The following SIN3A variants were observed in gnomAD, a reference collection of about 807,000 sequenced individuals.
SIN3A encodes the protein paired amphipathic helix protein Sin3a.
SIN3A carries 14 observed loss-of-function variants against 146.1 expected under a neutral mutation model. The observed-to-expected ratio is 0.10, with a 90% CI of 0.06 to 0.15. The LOEUF (loss-of-function observed/expected upper bound fraction) is 0.15, where lower values mean the gene tolerates loss of function less well. Ranked by LOEUF, SIN3A falls within the 10% of genes least tolerant of loss-of-function variation. The pLI is 1.00. For synonymous variants in SIN3A, 572 were observed against 572.0 expected (o/e 1.00, Z 0.00); for missense variants, 1,028 against 1,576.0 (o/e 0.65, Z 5.89).
At chr15:75,416,058 C>T in intron 3 of SIN3A, 1 of 273,788 alleles carries the variant, frequency 3.7e-6, no homozygotes, top group South Asian at 4.7e-5. Context: ...CTTCTGGTGA[C>T]TGTAAAGTTT....
At chr15:75,381,740 C>T (rs1230823262) in intron 17 of SIN3A, 35 bp from the exon 18 acceptor site, 5 of 1,509,288 alleles carry the variant, frequency 3.3e-6, no homozygotes, top group South Asian at 1.1e-5. Flanking sequence ...AACAAAAGAC[C>T]GTCTCTGTAG....
intron 3 of SIN3A, chr15:75,419,543 G>A (rs1304793401): frequency 6.6e-6 from 1 of 152,120 alleles, no homozygotes; most frequent in Non-Finnish European, 1.5e-5. Flanking sequence ...TTATAGGCCA[G>A]GTGTGGTGGC....
At chr15:75,397,389 A>G (rs1289632677) in intron 12 of SIN3A, among the ~76,000 whole-genome samples, 1 of 152,128 alleles carries the variant, frequency 6.6e-6, no homozygotes, top group Non-Finnish European at 1.5e-5. Context: ...TTGACCAATG[A>G]GTTGTTATGA....
intron 2 of SIN3A, among the ~76,000 whole-genome samples, chr15:75,425,168 T>G (rs2141550978): frequency 6.6e-6 from 1 of 152,342 alleles, no homozygotes; most frequent in East Asian, 1.9e-4. Context: ...AAGATGACTC[T>G]TACTTTGTTT....
intron 9 of SIN3A, among the ~76,000 whole-genome samples, chr15:75,405,717 C>T (rs941814611): frequency 1.2e-4 from 19 of 152,032 alleles, no homozygotes; most frequent in African/African-American, 4.6e-4. Flanking sequence ...CGCCATTGCA[C>T]TCCAAGCTGG....
chr15:75,439,586 C>G lies in SIN3A; in HGVS notation c.-33-9178G>C, dbSNP rs1372065099. Among the ~76,000 whole-genome samples the G allele has an allele frequency of 2.0e-5, 3 of 151,872 alleles. No individual in the cohort carries two copies. The East Asian group carries it at 5.9e-4, about 30-fold the overall frequency. ...GGTCTCGATCTCCTGACCTCGTGAT[C>G]CGCCCACCTCAGCCTCCCAAAGTGC... On this transcript the variant is annotated intron_variant, in intron 1 of 20. Transcript: ENST00000394947.
intron 12 of SIN3A, among the ~76,000 whole-genome samples, chr15:75,397,817 C>CT (rs963557597): frequency 5.9e-5 from 9 of 152,330 alleles, no homozygotes; most frequent in Middle Eastern, 3.4e-3. Flanking sequence ...TAGGAACACT[C>CT]TGTCAAAAAC....
Position 75,418,377 on chromosome 15 carries a change from G to A in SIN3A, c.367-4066C>T, listed in dbSNP as rs548343190. ...GTCTCACTCTGTCACCCAGGCTGGA[G>A]TGCAGTGGCACAAATTCGGCTCACT... is the stretch of plus-strand genomic sequence containing the variant. On this transcript the variant is annotated intron_variant, in intron 3 of 20. Transcript: ENST00000394947. Among the ~76,000 whole-genome samples the A allele has an allele frequency of 6.6e-5, 10 of 152,272 alleles. No individual in the cohort carries two copies. The East Asian group carries it at 1.9e-3, about 29-fold the overall frequency.
intron 16 of SIN3A, among the ~76,000 whole-genome samples, chr15:75,386,401 C>T (rs912680524): frequency 6.6e-6 from 1 of 152,222 alleles, no homozygotes; most frequent in African/African-American, 2.4e-5. Context: ...CTGGCCCCTC[C>T]TCGAGTCTTC....
chr15:75,426,055 T>C (rs113890720), intron 2 of SIN3A, among the ~76,000 whole-genome samples: 12 of 152,366 alleles, frequency 7.9e-5, no homozygotes, highest in African/African-American at 2.4e-4. Context: ...CCAACATGCA[T>C]GTTTTTTACA....
chr15:75,398,509 C>T (rs971506819), intron 12 of SIN3A, among the ~76,000 whole-genome samples: 2 of 151,758 alleles, frequency 1.3e-5, no homozygotes, highest in African/African-American at 2.4e-5. Flanking sequence ...AACCCATCTC[C>T]ACTAAAAATA....
intron 1 of SIN3A, among the ~76,000 whole-genome samples, chr15:75,442,421 C>G (rs2074232605): frequency 6.6e-6 from 1 of 150,974 alleles, no homozygotes; most frequent in Admixed American, 6.6e-5. Flanking sequence ...GATCCTCCCA[C>G]CTCAGCCTCC....
intron 9 of SIN3A, among the ~76,000 whole-genome samples, chr15:75,403,708 TG>T (rs1224004763): frequency 5.3e-5 from 8 of 151,896 alleles, no homozygotes; most frequent in East Asian, 2.0e-4. Context: ...GCCCAGCTAA[TG>T]TTTTTTTTGT....
chr15:75,395,199 C>T (rs1263774431), intron 13 of SIN3A, among the ~76,000 whole-genome samples: 1 of 152,054 alleles, frequency 6.6e-6, no homozygotes, highest in African/African-American at 2.4e-5. Context: ...CTTTGCAAAA[C>T]GTTCACAATG....
chr15:75,426,096 T>C (rs1183170810), intron 2 of SIN3A, among the ~76,000 whole-genome samples: 3 of 152,252 alleles, frequency 2.0e-5, no homozygotes, highest in Admixed American at 2.0e-4. Context: ...GACTGACTTA[T>C]ACAAACACAT....
chr15:75,404,768 TA>T (rs11347632), intron 9 of SIN3A, among the ~76,000 whole-genome samples: 87,503 of 148,118 alleles, frequency 0.59, 26,687 homozygotes, highest in African/African-American at 0.78. Flanking sequence ...AGAAAAAAAA[TA>T]AAAAAAAAAC....
chr15:75,400,577 A>G (rs567197089), intron 11 of SIN3A, among the ~76,000 whole-genome samples, 153 bp downstream of exon 11: 6 of 152,344 alleles, frequency 3.9e-5, no homozygotes, highest in Non-Finnish European at 1.5e-5. Flanking sequence ...TGTCTCAAAA[A>G]CAAACAAAAA....
intron 16 of SIN3A, among the ~76,000 whole-genome samples, chr15:75,386,513 G>C (rs2073083630): frequency 6.6e-6 from 1 of 152,164 alleles, no homozygotes; most frequent in Non-Finnish European, 1.5e-5. Flanking sequence ...TGACAGAGAG[G>C]GTGTTCAATA....
chr15:75,428,563 G>A (rs2073964441), intron 2 of SIN3A, among the ~76,000 whole-genome samples: 1 of 152,058 alleles, frequency 6.6e-6, no homozygotes. Flanking sequence ...GCTGGGTGCG[G>A]AAGCATATTC....
Sources: gnomAD v4.1 joint callset for allele counts (sites outside exome capture counted in the v4.1 genomes callset) on GRCh38, gnomAD v4.1.1 for gene constraint, MANE v1.5 for transcripts, NCBI Gene and HGNC (gene_info 2026-07-23, HGNC 2026-07-21) for gene names.